Variants in SNTG1 observed in about 807,000 individuals in gnomAD.
SNTG1 encodes gamma-1-syntrophin.
In SNTG1, 39 loss-of-function variants were observed where a neutral mutation model predicts 74.7. That is an observed-to-expected ratio of 0.52 (90% CI 0.40 to 0.68). SNTG1 has a LOEUF of 0.68. SNTG1 is among the 30% of genes least tolerant of loss of function. The pLI, the probability that SNTG1 is intolerant of heterozygous loss-of-function variation, is 0.00. For missense variants in SNTG1, 685 were observed against 609.5 expected (o/e 1.12, Z -1.30); for synonymous variants, 254 against 217.1 (o/e 1.17, Z -1.49).
At chr8:50,583,455 G>C (rs1563609472) in intron 12 of SNTG1, among the ~76,000 whole-genome samples, 1 of 147,072 alleles carries the variant, frequency 6.8e-6, no homozygotes, top group Admixed American at 6.8e-5. Flanking sequence ...TTATATGATA[G>C]AAAATAACTA....
At chr8:50,612,670 A>G (rs2094858800) in intron 13 of SNTG1, among the ~76,000 whole-genome samples, 1 of 152,156 alleles carries the variant, frequency 6.6e-6, no homozygotes, top group Non-Finnish European at 1.5e-5. Context: ...TATGTGCTTT[A>G]CTATGTATAT....
rs1175729827 is a variant in SNTG1, at chr8:50,795,887, A to G, written c.*3058A>G. ...TATCCAGCTTTTTTAAAATGGGAGG[A>G]TAATCAGGTAATTATTTCTTGCCCA... is the stretch of plus-strand genomic sequence containing the variant. On this transcript the variant is annotated 3_prime_UTR_variant, in exon 19 of 19. Coordinates refer to ENST00000642720, the MANE Select transcript of SNTG1 (RefSeq NM_018967.5). 1 of 152,054 alleles carries G rather than the reference A, an allele frequency of 6.6e-6. No homozygotes were observed. 9.4% of individuals were successfully genotyped at this position (152,054 alleles called of 1,614,324 possible). A position where few individuals can be genotyped will look rare whatever the true frequency, so the allele number is the denominator to read the frequency against.
chr8:50,015,934 A>C (rs1223232972), intron 1 of SNTG1, among the ~76,000 whole-genome samples: 1 of 152,124 alleles, frequency 6.6e-6, no homozygotes, highest in African/African-American at 2.4e-5. Flanking sequence ...TCAACTTTTG[A>C]AGCATTGGTT....
intron 2 of SNTG1, among the ~76,000 whole-genome samples, chr8:50,266,496 G>T (rs1032691091): frequency 1.3e-5 from 2 of 151,654 alleles, no homozygotes; most frequent in Non-Finnish European, 2.9e-5. Flanking sequence ...AGAGAAAATA[G>T]AAGTAAATTT....
At chr8:50,462,882 T>C (rs2093578844) in intron 8 of SNTG1, among the ~76,000 whole-genome samples, 1 of 132,116 alleles carries the variant, frequency 7.6e-6, no homozygotes, top group Admixed American at 9.3e-5. Flanking sequence ...AATGACACGA[T>C]CTTGGCTCAC....
chr8:49,960,945 A>T (rs1473602862), intron 1 of SNTG1, among the ~76,000 whole-genome samples: 1 of 152,214 alleles, frequency 6.6e-6, no homozygotes, highest in East Asian at 1.9e-4. Flanking sequence ...ACACAGGAAG[A>T]GCATTATCAG....
chr8:50,651,232 G>T (rs2128851), intron 13 of SNTG1, among the ~76,000 whole-genome samples: 31,702 of 144,492 alleles, frequency 0.22, 3,723 homozygotes, highest in African/African-American at 0.32. Context: ...CTTTTTTTTT[G>T]TTTTATTTTG....
intron 13 of SNTG1, among the ~76,000 whole-genome samples, chr8:50,622,148 C>A (rs1379125661): frequency 1.3e-5 from 2 of 152,178 alleles, no homozygotes; most frequent in African/African-American, 4.8e-5. Context: ...CTACCACATC[C>A]CATATGCTGA....
chr8:50,625,391 G>A (rs2131071478), intron 13 of SNTG1, among the ~76,000 whole-genome samples: 2 of 152,310 alleles, frequency 1.3e-5, no homozygotes, highest in Middle Eastern at 6.8e-3. Context: ...GCTGTCAGCA[G>A]TTCTGATGAC....
chr8:50,476,568 G>A (rs771937470), intron 8 of SNTG1, among the ~76,000 whole-genome samples: 33 of 152,172 alleles, frequency 2.2e-4, no homozygotes, highest in Non-Finnish European at 4.4e-4. Context: ...GTGTGGTAAT[G>A]GATAGGATAC....
intron 18 of SNTG1, among the ~76,000 whole-genome samples, chr8:50,759,160 G>GT (rs2095590153): frequency 1.3e-5 from 2 of 151,944 alleles, no homozygotes; most frequent in African/African-American, 4.8e-5. Context: ...GGGGTTGTTT[G>GT]TTTTTTTCTC....
intron 13 of SNTG1, among the ~76,000 whole-genome samples, chr8:50,624,472 T>C (rs1291499345): frequency 6.6e-6 from 1 of 152,134 alleles, no homozygotes; most frequent in Non-Finnish European, 1.5e-5. Context: ...CTGGATGTCA[T>C]TTTAAGTCAG....
At chr8:50,171,952 G>A (rs16914366) in intron 1 of SNTG1, among the ~76,000 whole-genome samples, 1 of 152,086 alleles carries the variant, frequency 6.6e-6, no homozygotes. Context: ...CAAAACTACA[G>A]TTGAGTTCAT....
chr8:50,391,114 AGGAGT>A (rs1434198336), intron 2 of SNTG1, among the ~76,000 whole-genome samples: 2 of 152,160 alleles, frequency 1.3e-5, no homozygotes, highest in Non-Finnish European at 2.9e-5. Flanking sequence ...TGTGTTGAAT[AGGAGT>A]GGTGAGAGAG....
At chr8:50,701,676 C>CTTT (rs2095425279) in intron 15 of SNTG1, among the ~76,000 whole-genome samples, 1 of 142,788 alleles carries the variant, frequency 7.0e-6, no homozygotes, top group African/African-American at 2.6e-5. Flanking sequence ...CTTCTTCCTT[C>CTTT]TTCTTCTTCT....
chr8:50,021,462 T>C (rs2130675762), intron 1 of SNTG1, among the ~76,000 whole-genome samples: 1 of 152,314 alleles, frequency 6.6e-6, no homozygotes, highest in South Asian at 2.1e-4. Context: ...GATTATAATA[T>C]TTAATTTGAT....
chr8:50,713,008 A>G (rs948469568), intron 17 of SNTG1, among the ~76,000 whole-genome samples: 1 of 152,196 alleles, frequency 6.6e-6, no homozygotes, highest in African/African-American at 2.4e-5. Context: ...TCCTTTGGGT[A>G]TATACCCAGT....
intron 1 of SNTG1, among the ~76,000 whole-genome samples, chr8:50,045,947 A>T (rs1034092302): frequency 3.3e-5 from 5 of 152,100 alleles, no homozygotes; most frequent in Non-Finnish European, 2.9e-5. Context: ...GGGTTAGCAA[A>T]TTTTTCTTTA....
At chr8:50,039,456 A>G (rs1818445135) in intron 1 of SNTG1, among the ~76,000 whole-genome samples, 1 of 25,792 alleles carries the variant, frequency 3.9e-5, no homozygotes, top group Admixed American at 5.3e-4. Flanking sequence ...CTCCGTCTCA[A>G]AAAAAAAAAA....
Sources: allele counts gnomAD v4.1 joint callset (sites outside exome capture counted in the v4.1 genomes callset), GRCh38; gene constraint gnomAD v4.1.1; transcripts MANE v1.5; gene names NCBI Gene and HGNC (gene_info 2026-07-23, HGNC 2026-07-21).